The following COL6A6 variants were observed in gnomAD, a reference collection of about 807,000 sequenced individuals.
COL6A6 encodes the protein collagen type VI alpha 6 chain.
Under a neutral mutation model 208.6 loss-of-function variants are expected in COL6A6, and 183 were observed. The ratio of observed to expected loss-of-function variants is 0.88; its 90% CI spans 0.78 to 0.99. The LOEUF (loss-of-function observed/expected upper bound fraction) is 0.99, where lower values mean the gene tolerates loss of function less well. COL6A6 is among the 50% of genes least tolerant of loss of function. The probability of loss-of-function intolerance (pLI) is 0.00; values close to 1 mark genes in which losing one functional copy is unlikely to be tolerated. For missense variants in COL6A6, 2,816 were observed against 2,815.2 expected (o/e 1.00, Z -0.01); for synonymous variants, 973 against 1,011.8 (o/e 0.96, Z 0.73).
chr3:130,623,715 G>A (rs2064804930), intron 24 of COL6A6, among the ~76,000 whole-genome samples: 1 of 152,146 alleles, frequency 6.6e-6, no homozygotes, highest in Non-Finnish European at 1.5e-5. Context: ...TAAGAGGAAA[G>A]AAAATCACTT....
rs749170018 is a variant in COL6A6, at chr3:130,675,182, T to C, written c.6597-20T>C. 43 of 1,462,428 alleles carry C rather than the reference T, an allele frequency of 2.9e-5. No individual in the cohort carries two copies. Among genetic ancestry groups the C allele is most frequent in the Middle Eastern group, 2.3e-4 (1 of 4,338 alleles). The allele number at this position is 1,462,428 out of a possible 1,614,324, so 90.6% of individuals were successfully genotyped here. ...TTGAAATGGCATTTATCTTCTATGA[T>C]GTTCTCTTTTGTTGTATAGCTTTGT... On this transcript the variant is annotated intron_variant, in intron 36 of 36. Transcript: ENST00000358511.
chr3:130,548,069 A>G (rs572011817), intron 1 of COL6A6, among the ~76,000 whole-genome samples: 319 of 152,388 alleles, frequency 2.1e-3, no homozygotes, highest in Non-Finnish European at 3.3e-3. Context: ...CTGGGATTAC[A>G]GGCATGAGCC....
chr3:130,651,075 G>C (rs1188006756), intron 33 of COL6A6, among the ~76,000 whole-genome samples: 1 of 152,238 alleles, frequency 6.6e-6, no homozygotes, highest in Admixed American at 6.5e-5. Flanking sequence ...CCTAGAGTTA[G>C]TGTGAAGATT....
At chr3:130,569,931 G>A (rs544295285) in intron 6 of COL6A6, among the ~76,000 whole-genome samples, 2 of 152,202 alleles carry the variant, frequency 1.3e-5, no homozygotes, top group East Asian at 1.9e-4. Flanking sequence ...CAAGCCTCTG[G>A]GGGGTGGGTG....
intron 23 of COL6A6, among the ~76,000 whole-genome samples, chr3:130,620,912 GT>G (rs1248035770): frequency 6.6e-6 from 1 of 152,186 alleles, no homozygotes; most frequent in Non-Finnish European, 1.5e-5. Context: ...CCTGTAAACA[GT>G]TGTACCAAAA....
chr3:130,624,482 A>G (rs963116590), intron 24 of COL6A6, among the ~76,000 whole-genome samples: 45 of 152,198 alleles, frequency 3.0e-4, no homozygotes, highest in African/African-American at 1.1e-3. Context: ...AGGGACTTCT[A>G]TGGCATGTAG....
At chr3:130,653,880 A>T (rs1450764350) in intron 33 of COL6A6, among the ~76,000 whole-genome samples, 1 of 152,168 alleles carries the variant, frequency 6.6e-6, no homozygotes, top group Non-Finnish European at 1.5e-5. Context: ...CTCCCCATAA[A>T]ACAACTCACT....
At chr3:130,599,101 C>T (rs1293472326) in intron 19 of COL6A6, among the ~76,000 whole-genome samples, 1 of 152,020 alleles carries the variant, frequency 6.6e-6, no homozygotes, top group East Asian at 1.9e-4. Context: ...TTCTGTAAAC[C>T]CCAATTTTCT....
chr3:130,658,728 A>G lies in COL6A6; in HGVS notation c.5786A>G (p.Tyr1929Cys). The part of the protein sequence containing the change: ...QVIVVPSGAD[Y>C]IPALERLQRC... ...ATAGTGGTTCCCTCCGGGGCCGACT[A>G]CATACCAGCATTAGAGAGACTCCAG... Residue 1929 changes from tyrosine to cysteine, a missense_variant, in exon 34 of 37, where the codon TAC becomes TGC. By Grantham distance (194) the Tyr-to-Cys change is radical (BLOSUM62 -2). Coordinates refer to ENST00000358511, the MANE Select transcript of COL6A6 (RefSeq NM_001102608.3). 6 of 1,613,338 alleles carry G rather than the reference A, an allele frequency of 3.7e-6. No homozygotes were observed. The highest frequency in any genetic ancestry group is 5.1e-6 in the Non-Finnish European group (6 of 1,179,644).
Position 130,608,975 on chromosome 3 carries a change from A to C in COL6A6, c.4752+11A>C. The C allele has an allele frequency of 2.5e-6, 4 of 1,603,772 alleles. No homozygotes were observed. Among genetic ancestry groups the C allele is most frequent in the African/African-American group, 1.3e-5 (1 of 74,744 alleles). ...CTTAAGGGCCCTCAGGTACATATCA[A>C]GACCAATCAGGGTGTGAGAACATAA... On this transcript the variant is annotated intron_variant, in intron 22 of 36. Coordinates refer to ENST00000358511, the MANE Select transcript of COL6A6 (RefSeq NM_001102608.3).
intron 24 of COL6A6, among the ~76,000 whole-genome samples, chr3:130,622,211 CTT>C (rs57173034): frequency 5.9e-5 from 8 of 135,710 alleles, no homozygotes; most frequent in East Asian, 2.3e-4. Flanking sequence ...CTACCCCCCC[CTT>C]TTTTTTTTTC....
At chr3:130,658,470 T>C (rs1170079646) in intron 33 of COL6A6, among the ~76,000 whole-genome samples, 1 of 152,180 alleles carries the variant, frequency 6.6e-6, no homozygotes, top group African/African-American at 2.4e-5. Flanking sequence ...TGAAGAAACA[T>C]GGAAAATAAC....
intron 23 of COL6A6, among the ~76,000 whole-genome samples, chr3:130,617,591 C>T (rs2064571108): frequency 6.6e-6 from 1 of 152,162 alleles, no homozygotes; most frequent in African/African-American, 2.4e-5. Flanking sequence ...ATTGACATCT[C>T]AGATGTTTTG....
At position 130,642,872 on chromosome 3, in the gene COL6A6, G is replaced by T. The variant is rs369574051; in HGVS notation, c.5190+5G>T. 5 of 1,613,800 alleles carry T rather than the reference G, an allele frequency of 3.1e-6. No individual in the cohort carries two copies. Among genetic ancestry groups the T allele is most frequent in the East Asian group, 2.2e-5 (1 of 44,884 alleles). ...AAAGGCTTGGCTTCATTTTCTGTAC[G>T]TATCTCCCGACTACAACAGAGTGCT... On this transcript the variant is annotated splice_donor_5th_base_variant and intron_variant, in intron 30 of 36. Coordinates refer to ENST00000358511, the MANE Select transcript of COL6A6 (RefSeq NM_001102608.3).
At chr3:130,530,521 A>G (rs1366148765) in intron 1 of COL6A6, among the ~76,000 whole-genome samples, 1 of 152,252 alleles carries the variant, frequency 6.6e-6, no homozygotes, top group East Asian at 1.9e-4. Flanking sequence ...TGGTGAAAAT[A>G]TGTTAACTGT....
chr3:130,649,626 A>G (rs1356814746), intron 33 of COL6A6, 64 bp downstream of exon 33: 4 of 1,441,550 alleles, frequency 2.8e-6, no homozygotes, highest in Non-Finnish European at 3.7e-6. Context: ...AGAAGCCCCT[A>G]TACTACCTTG....
intron 28 of COL6A6, among the ~76,000 whole-genome samples, chr3:130,636,284 A>G (rs2065108589): frequency 6.6e-6 from 1 of 152,174 alleles, no homozygotes; most frequent in Non-Finnish European, 1.5e-5. Flanking sequence ...AGGTTCTTAG[A>G]TATTGCCTAG....
Position 130,665,046 on chromosome 3 carries a change from C to T in COL6A6, c.6546C>T (p.Cys2182=). 6.2e-7 allele frequency: 1 copy of T among 1,610,060 alleles called. No homozygotes were observed. ...CACCAATAAACTTAAAAATAAAGTGCAACAGACTTAACTCTATAGATCCAA... is the reference window on the plus strand; with the variant it reads ...CACCAATAAACTTAAAAATAAAGTGTAACAGACTTAACTCTATAGATCCAA... ...KYPPINLKIK[C]NRLNSIDPKQ... Residue 2182 remains cysteine, a synonymous_variant, in exon 36 of 37, where the codon TGC becomes TGT. Coordinates refer to ENST00000358511, the MANE Select transcript of COL6A6 (RefSeq NM_001102608.3).
intron 23 of COL6A6, among the ~76,000 whole-genome samples, chr3:130,612,423 A>G (rs1576329139): frequency 1.3e-5 from 2 of 152,288 alleles, no homozygotes; most frequent in Middle Eastern, 6.8e-3. Flanking sequence ...TCTTTTCTCT[A>G]CAACCTCACT....
Sources: gnomAD v4.1 joint callset for allele counts (sites outside exome capture counted in the v4.1 genomes callset) on GRCh38, gnomAD v4.1.1 for gene constraint, MANE v1.5 for transcripts, NCBI Gene and HGNC (gene_info 2026-07-23, HGNC 2026-07-21) for gene names.